Variants in MCF2L observed in about 807,000 individuals in gnomAD.
The protein encoded by MCF2L is guanine nucleotide exchange factor DBS.
MCF2L carries 97 observed loss-of-function variants against 153.4 expected under a neutral mutation model. The observed-to-expected ratio is 0.63, with a 90% CI of 0.54 to 0.75. MCF2L has a LOEUF of 0.75. MCF2L is among the 30% of genes least tolerant of loss of function. MCF2L has a pLI of 0.00. For synonymous variants in MCF2L, 659 were observed against 632.2 expected (o/e 1.04, Z -0.64); for missense variants, 1,347 against 1,495.2 (o/e 0.90, Z 1.64).
At chr13:113,084,159 A>T in intron 18 of MCF2L, 92 bp downstream of exon 18, 2 of 1,041,672 alleles carry the variant, frequency 1.9e-6, no homozygotes. Flanking sequence ...ATTCTAACCA[A>T]CTGAAATCAC....
In MCF2L at chr13:113,076,085, T is replaced by C. The variant is rs937948915; in HGVS notation, c.1428T>C (p.Gly476=). Residue 476 remains glycine, a synonymous_variant, in exon 12 of 30, where the codon GGT becomes GGC. Coordinates refer to ENST00000535094, the MANE Select transcript of MCF2L (RefSeq NM_001112732.3). ...AAATCGAGAAGTTTTTGGAGACCGG[T>C]GCGGAAAATAAGATCCAGGAGCTCA... ...LQEIEKFLET[G]AENKIQELNA... 4 of 1,613,880 alleles carry C rather than the reference T, an allele frequency of 2.5e-6. No individual in the cohort carries two copies. In the African/African-American group the frequency reaches 4.0e-5, roughly 16 times the overall value.
intron 4 of MCF2L, among the ~76,000 whole-genome samples, chr13:113,050,997 ATGCGCGC>A: frequency 6.6e-6 from 1 of 151,790 alleles, no homozygotes; most frequent in African/African-American, 2.4e-5. Context: ...GGGAACTGAA[ATGCGCGC>A]TGCATAACTG....
intron 3 of MCF2L, among the ~76,000 whole-genome samples, chr13:113,032,999 ATGTGAGTGGCCCC>A (rs2085828451): frequency 7.1e-6 from 1 of 141,602 alleles, no homozygotes; most frequent in African/African-American, 2.8e-5. Flanking sequence ...GGCCCCCGTG[ATGTGAGTGGCCCC>A]CGTGACATTA....
At chr13:112,954,069 G>A (rs892452788) in intron 2 of MCF2L, among the ~76,000 whole-genome samples, 1 of 152,224 alleles carries the variant, frequency 6.6e-6, no homozygotes, top group Non-Finnish European at 1.5e-5. Flanking sequence ...TGTGCCTGAT[G>A]TTGCGAAGTG....
intron 2 of MCF2L, among the ~76,000 whole-genome samples, chr13:112,959,005 G>A (rs1047807472): frequency 6.6e-6 from 1 of 152,214 alleles, no homozygotes; most frequent in Non-Finnish European, 1.5e-5. Context: ...TCCTGTGGCC[G>A]CTATGCCTCT....
chr13:113,006,152 C>T (rs1039038634), intron 1 of MCF2L, among the ~76,000 whole-genome samples: 4 of 152,204 alleles, frequency 2.6e-5, no homozygotes, highest in Non-Finnish European at 4.4e-5. Context: ...TGGAAACAGA[C>T]GCATGTCGGC....
chr13:113,015,675 T>C (rs917377571), intron 2 of MCF2L, among the ~76,000 whole-genome samples: 1 of 152,178 alleles, frequency 6.6e-6, no homozygotes, highest in Non-Finnish European at 1.5e-5. Flanking sequence ...GGAGGCTGAC[T>C]GCGAGGTGCA....
rs1381024554 is a variant in MCF2L at position 112,943,524 on chromosome 13, T to A, written c.169+41153T>A. On this transcript the variant is annotated intron_variant, in intron 2 of 29. Coordinates refer to the MCF2L transcript ENST00000375608. This position sits in a 1 kb window ranked among gnomAD's most constrained non-coding sequence, Gnocchi z 4.2. ...GGGCCGCTCTTCCCGGCGCGGTGCC[T>A]TCCAGGGAGGCTGCGCCTGCAGCAC... Among the ~76,000 whole-genome samples, 1 of 151,970 alleles carries A rather than the reference T, an allele frequency of 6.6e-6. No individual in the cohort carries two copies. Among genetic ancestry groups the A allele is most frequent in the Non-Finnish European group, 1.5e-5 (1 of 67,940 alleles).
chr13:113,094,365 C>A, intron 26 of MCF2L, 149 bp from the exon 27 acceptor site: 1 of 773,766 alleles, frequency 1.3e-6, no homozygotes, highest in Non-Finnish European at 2.0e-6. Context: ...CTGCTCAGCT[C>A]TTTATGAACC....
At chr13:112,981,832 G>T (rs937817973) in intron 1 of MCF2L, among the ~76,000 whole-genome samples, 19 of 152,256 alleles carry the variant, frequency 1.2e-4, no homozygotes, top group African/African-American at 4.6e-4. Context: ...CCTGGGGACT[G>T]AGCCTTGTCC....
intron 1 of MCF2L, among the ~76,000 whole-genome samples, chr13:112,999,048 C>T (rs1012610958): frequency 1.4e-4 from 22 of 152,314 alleles, no homozygotes; most frequent in Middle Eastern, 3.4e-3. Context: ...CCACGTGTTC[C>T]GGCCTCTGAT....
intron 1 of MCF2L, among the ~76,000 whole-genome samples, chr13:113,013,183 C>T (rs2084286838): frequency 6.6e-6 from 1 of 151,968 alleles, no homozygotes; most frequent in Admixed American, 6.5e-5. Context: ...AGGTGTGCAC[C>T]AGTGGAAGTC....
chr13:112,896,099 G>A (rs1005982506), intron 1 of MCF2L, among the ~76,000 whole-genome samples: 4 of 152,204 alleles, frequency 2.6e-5, no homozygotes, highest in African/African-American at 7.2e-5. Context: ...CAGGGACCCC[G>A]TGGCACCACC....
Position 112,941,575 on chromosome 13 carries a change from C to T in MCF2L, c.169+39204C>T, listed in dbSNP as rs1378344624. ...AGTTCACAAACAGCCTTGATGTTGTCATGGAGTTTTCTGAAATTGCAAAAC... is the reference window on the plus strand; with the variant it reads ...AGTTCACAAACAGCCTTGATGTTGTTATGGAGTTTTCTGAAATTGCAAAAC... On this transcript the variant is annotated intron_variant, in intron 2 of 29. Transcript: ENST00000375608. This position sits in a 1 kb window ranked among gnomAD's most constrained non-coding sequence, Gnocchi z 4.9. Among the ~76,000 whole-genome samples, 1 of 151,884 alleles carries T rather than the reference C, an allele frequency of 6.6e-6. No homozygotes were observed. The highest frequency in any genetic ancestry group is 1.5e-5 in the Non-Finnish European group (1 of 67,974).
At chr13:112,968,607 G>A, upstream of MCF2L, 1 of 1,533,328 alleles carries the variant, frequency 6.5e-7, no homozygotes, top group Non-Finnish European at 8.7e-7. Flanking sequence ...AGCGACCCAC[G>A]GACCTGCTTA....
intron 17 of MCF2L, among the ~76,000 whole-genome samples, chr13:113,082,829 G>T (rs964733072): frequency 1.4e-4 from 22 of 152,154 alleles, no homozygotes; most frequent in African/African-American, 4.8e-4. Flanking sequence ...GTTTTGTGGT[G>T]CAGGAAATGG....
At chr13:113,056,558 TG>T (rs2029873859) in intron 4 of MCF2L, among the ~76,000 whole-genome samples, 1 of 144,440 alleles carries the variant, frequency 6.9e-6, no homozygotes, top group African/African-American at 2.6e-5. Flanking sequence ...GGGCACTGAG[TG>T]GGCGCTGAGT....
In MCF2L at chr13:113,090,018, C is replaced by T. The variant is rs558718447; in HGVS notation, c.2953+290C>T. The stretch of plus-strand genomic sequence containing the variant: ...TCCCTGCGACAGCCGGACCCGCCTC[C>T]GCATCGGGTTGCGATGCCCTCTGCA... On this transcript the variant is annotated intron_variant, in intron 26 of 29. Coordinates refer to ENST00000535094, the MANE Select transcript of MCF2L (RefSeq NM_001112732.3). 9.1e-4 allele frequency: 1,463 copies of T among 1,601,368 alleles called. 14 individuals carry two copies. Among genetic ancestry groups the T allele is most frequent in the Middle Eastern group, 6.2e-3 (37 of 6,016 alleles).
chr13:113,052,274 G>GT (rs1487296884), intron 4 of MCF2L, among the ~76,000 whole-genome samples: 7 of 152,216 alleles, frequency 4.6e-5, no homozygotes, highest in African/African-American at 1.7e-4. Context: ...TCGCTCAGCG[G>GT]TTTTTTCTCG....
Sources: allele counts gnomAD v4.1 joint callset (sites outside exome capture counted in the v4.1 genomes callset), GRCh38; gene constraint gnomAD v4.1.1; non-coding constraint Gnocchi (gnomAD v3.1); transcripts MANE v1.5; gene names NCBI Gene and HGNC (gene_info 2026-07-23, HGNC 2026-07-21).